Variants in PCDH11X observed in about 807,000 individuals in gnomAD.
PCDH11X encodes protocadherin 11 X-linked, also known as protocadherin-11 X-linked.
Under a neutral mutation model 53.3 loss-of-function variants are expected in PCDH11X, and 18 were observed. That is an observed-to-expected ratio of 0.34 (90% CI 0.23 to 0.50). The LOEUF (loss-of-function observed/expected upper bound fraction) is 0.50, where lower values mean the gene tolerates loss of function less well. Among genes scored for constraint, PCDH11X ranks in the 20% least tolerant of loss-of-function variants. The pLI is 0.98. For missense variants in PCDH11X, 570 were observed against 1,032.4 expected (o/e 0.55, Z 6.14); for synonymous variants, 279 against 393.3 (o/e 0.71, Z 3.44).
intron 8 of PCDH11X, among the ~76,000 whole-genome samples, chrX:92,370,441 G>C (rs1202841939): frequency 9.8e-6 from 1 of 101,527 alleles, no homozygotes; most frequent in Non-Finnish European, 2.0e-5. Context: ...TGTTGTTGAA[G>C]AGCCATATGT....
At position 92,263,026 on chromosome X, in the gene PCDH11X, AT is replaced by A. The variant is rs1404677671; in HGVS notation, c.3115-87del. ...TGCTTTTTTTTCAAAAAAAAAAAAAATGTATTTGCAGTAACCAAATTTGAGC... is the reference window on the plus strand; with the variant it reads ...TGCTTTTTTTTCAAAAAAAAAAAAAAGTATTTGCAGTAACCAAATTTGAGC... On this transcript the variant is annotated intron_variant, in intron 7 of 10. Coordinates refer to ENST00000682573, the MANE Select transcript of PCDH11X (RefSeq NM_032968.5). 22 of 899,684 alleles carry A rather than the reference AT, an allele frequency of 2.4e-5. No individual in the cohort carries two copies. The East Asian group carries it at 7.3e-4, about 30-fold the overall frequency. The allele number at this position is 899,684 out of a possible 1,213,427, so 74.1% of individuals were successfully genotyped here.
intron 10 of PCDH11X, among the ~76,000 whole-genome samples, chrX:92,480,754 C>G (rs2073485871): frequency 9.0e-6 from 1 of 111,636 alleles, no homozygotes; most frequent in Admixed American, 9.5e-5. Flanking sequence ...GACTACTGAT[C>G]ACTACACTCT....
intron 6 of PCDH11X, among the ~76,000 whole-genome samples, chrX:92,153,446 G>A (rs2065475226): frequency 9.0e-6 from 1 of 111,474 alleles, no homozygotes; most frequent in South Asian, 3.7e-4. Flanking sequence ...GTGATTTATA[G>A]TGGTTTACTT....
chrX:92,575,970 C>CACACACA (rs1922854790), intron 10 of PCDH11X, among the ~76,000 whole-genome samples: 5 of 50,353 alleles, frequency 9.9e-5, no homozygotes, highest in Admixed American at 2.6e-4. Flanking sequence ...CACACACACA[C>CACACACA]CTGGGGTGTA....
intron 1 of PCDH11X, among the ~76,000 whole-genome samples, chrX:91,787,083 C>T (rs781511763): frequency 2.4e-4 from 25 of 105,147 alleles, no homozygotes; most frequent in Middle Eastern, 5.0e-3. Context: ...ACAGTACATG[C>T]TTATATGCTT....
At chrX:92,112,518 A>G (rs2064541401) in intron 6 of PCDH11X, among the ~76,000 whole-genome samples, 2 of 109,909 alleles carry the variant, frequency 1.8e-5, no homozygotes, top group Non-Finnish European at 1.9e-5. Flanking sequence ...ATTTGTGTGG[A>G]CAATTTCAAT....
chrX:92,336,843 G>A (rs2069631974), intron 8 of PCDH11X, among the ~76,000 whole-genome samples: 1 of 110,770 alleles, frequency 9.0e-6, no homozygotes, highest in South Asian at 3.8e-4. Context: ...AATAGTCATA[G>A]TGTCTGAGGA....
intron 6 of PCDH11X, among the ~76,000 whole-genome samples, chrX:91,954,409 G>T (rs1210277602): frequency 2.7e-5 from 3 of 111,347 alleles, no homozygotes; most frequent in African/African-American, 9.8e-5. Flanking sequence ...GAATAGTGCT[G>T]CAATGAACAG....
intron 10 of PCDH11X, among the ~76,000 whole-genome samples, chrX:92,524,269 G>A (rs5942281): frequency 0.11 from 11,699 of 107,256 alleles, 534 homozygotes; most frequent in East Asian, 0.31. Context: ...GTTGCGAATC[G>A]GGGTTTATAA....
chrX:92,358,261 A>G (rs763007377), intron 8 of PCDH11X, among the ~76,000 whole-genome samples: 2 of 99,038 alleles, frequency 2.0e-5, no homozygotes, highest in South Asian at 1.1e-3. Flanking sequence ...CATTGATGTC[A>G]TGGAGTAAAG....
intron 6 of PCDH11X, among the ~76,000 whole-genome samples, chrX:92,185,090 G>T (rs2066066797): frequency 9.1e-6 from 1 of 109,778 alleles, no homozygotes; most frequent in South Asian, 4.0e-4. Context: ...TTAACAATAT[G>T]ATATAACTGG....
At chrX:92,036,634 A>G (rs1226259367) in intron 6 of PCDH11X, among the ~76,000 whole-genome samples, 2 of 108,359 alleles carry the variant, frequency 1.8e-5, no homozygotes, top group African/African-American at 6.8e-5. Context: ...GTATGTCTTT[A>G]TCATACCCAA....
At chrX:91,989,919 T>A (rs2062293509) in intron 6 of PCDH11X, among the ~76,000 whole-genome samples, 1 of 111,156 alleles carries the variant, frequency 9.0e-6, no homozygotes, top group African/African-American at 3.3e-5. Context: ...GAACATTAGA[T>A]CTTTTGTTAT....
At chrX:92,554,936 T>G (rs2075023948) in intron 10 of PCDH11X, among the ~76,000 whole-genome samples, 1 of 111,584 alleles carries the variant, frequency 9.0e-6, no homozygotes, top group Admixed American at 9.6e-5. Context: ...TTTGTTTCCT[T>G]AGCCCTCCAA....
At chrX:91,905,092 T>A (rs764873113) in intron 6 of PCDH11X, among the ~76,000 whole-genome samples, 1 of 95,357 alleles carries the variant, frequency 1.0e-5, no homozygotes, top group Admixed American at 1.3e-4. Context: ...ATTTTTTACT[T>A]TTTTGTTTAT....
In PCDH11X at chrX:92,002,160, C is replaced by T. The variant is rs949758576; in HGVS notation, c.3033+122887C>T. On this transcript the variant is annotated intron_variant, in intron 6 of 10. Coordinates refer to ENST00000682573, the MANE Select transcript of PCDH11X (RefSeq NM_032968.5). ...CAGCACCATTTATTGAAGAAACTGG[C>T]CTTTCCCCATGATATGTTCTTGGAA... Among the ~76,000 whole-genome samples the T allele has an allele frequency of 8.2e-5, 9 of 109,845 alleles. No individual in the cohort carries two copies. The South Asian group carries it at 1.6e-3, about 19-fold the overall frequency.
chrX:92,485,003 T>A (rs1358794374), intron 10 of PCDH11X, among the ~76,000 whole-genome samples: 3 of 110,769 alleles, frequency 2.7e-5, no homozygotes, highest in African/African-American at 9.8e-5. Flanking sequence ...TCTTTAAAAA[T>A]TAATTATACA....
intron 8 of PCDH11X, among the ~76,000 whole-genome samples, chrX:92,293,969 T>C (rs1857808451): frequency 9.0e-6 from 1 of 110,697 alleles, no homozygotes; most frequent in Admixed American, 9.7e-5. Context: ...TGTATAGATA[T>C]ATTGGTTCAT....
At chrX:92,375,786 G>T (rs2070740688) in intron 8 of PCDH11X, among the ~76,000 whole-genome samples, 3 of 107,925 alleles carry the variant, frequency 2.8e-5, no homozygotes, top group Admixed American at 1.0e-4. Flanking sequence ...ACCACGCCCG[G>T]CTAATTTTTG....
Sources: gnomAD v4.1 joint callset for allele counts (sites outside exome capture counted in the v4.1 genomes callset) on GRCh38, gnomAD v4.1.1 for gene constraint, MANE v1.5 for transcripts, NCBI Gene and HGNC (gene_info 2026-07-23, HGNC 2026-07-21) for gene names.